The following LIPC variants were observed in gnomAD, a reference collection of about 807,000 sequenced individuals.
The protein encoded by LIPC is lipase C, hepatic type, also known as hepatic triacylglycerol lipase.
A neutral mutation model predicts 50.7 loss-of-function variants in LIPC; 44 were observed. The observed-to-expected ratio is 0.87, with a 90% CI of 0.68 to 1.11. The LOEUF (loss-of-function observed/expected upper bound fraction) is 1.11, where lower values mean the gene tolerates loss of function less well. Among genes scored for constraint, LIPC ranks in the 50% most tolerant of loss-of-function variants. LIPC has a pLI of 0.00. For synonymous variants in LIPC, 271 were observed against 256.4 expected (o/e 1.06, Z -0.54); for missense variants, 697 against 648.2 (o/e 1.08, Z -0.82).
chr15:58,488,055 G>A (rs1595890085), intron 1 of LIPC, among the ~76,000 whole-genome samples: 1 of 152,190 alleles, frequency 6.6e-6, no homozygotes, highest in Non-Finnish European at 1.5e-5. Flanking sequence ...TGGATCCCTC[G>A]AGGTCAGGAG....
intron 4 of LIPC, 76 bp downstream of exon 4, chr15:58,542,727 G>A: frequency 1.0e-6 from 1 of 960,554 alleles, no homozygotes; most frequent in Non-Finnish European, 1.7e-6. Context: ...TTTCCAACAG[G>A]CTCATCATTA....
intron 1 of LIPC, among the ~76,000 whole-genome samples, chr15:58,486,408 C>A (rs1271758190): frequency 6.6e-6 from 1 of 152,190 alleles, no homozygotes; most frequent in East Asian, 1.9e-4. Flanking sequence ...TGTGGATTGC[C>A]CCTGCTTATG....
At position 58,452,443 on chromosome 15, in the gene LIPC, G is replaced by A. The variant is rs370093284; in HGVS notation, c.88+20323G>A. ...AGTCTGAATTTAGAAGAGTGTGAAC[G>A]TGAAACAGTTTTCTATTTCTCCCAT... On this transcript the variant is annotated intron_variant, in intron 1 of 8. Transcript: ENST00000299022. Among the ~76,000 whole-genome samples the A allele has an allele frequency of 5.3e-5, 8 of 152,170 alleles. No homozygotes were observed. The South Asian group carries it at 6.2e-4, about 12-fold the overall frequency.
intron 1 of LIPC, among the ~76,000 whole-genome samples, chr15:58,524,954 T>C (rs1181753961): frequency 1.3e-5 from 2 of 152,236 alleles, no homozygotes; most frequent in African/African-American, 4.8e-5. Context: ...AACAATCTTT[T>C]ACAGCTTCTG....
intron 1 of LIPC, among the ~76,000 whole-genome samples, chr15:58,508,254 G>T (rs780176572): frequency 1.3e-5 from 2 of 152,112 alleles, no homozygotes; most frequent in Non-Finnish European, 2.9e-5. Context: ...GGGGTAGGGA[G>T]TGAAGATCAG....
intron 5 of LIPC, among the ~76,000 whole-genome samples, chr15:58,547,799 C>A (rs1329250724): frequency 6.6e-6 from 1 of 151,906 alleles, no homozygotes; most frequent in African/African-American, 2.4e-5. Flanking sequence ...CTTTGGGACA[C>A]AAGGTAGACA....
intron 1 of LIPC, among the ~76,000 whole-genome samples, chr15:58,450,011 T>C (rs1322076289): frequency 6.6e-6 from 1 of 152,042 alleles, no homozygotes; most frequent in Non-Finnish European, 1.5e-5. Context: ...CTGTCCAGAG[T>C]CATCAGTATG....
At chr15:58,567,277 GTGTGTA>G (rs1341081690) in intron 8 of LIPC, among the ~76,000 whole-genome samples, 22 of 82,318 alleles carry the variant, frequency 2.7e-4, no homozygotes, top group African/African-American at 5.6e-4. Flanking sequence ...GTGTGTGTGT[GTGTGTA>G]TATATATATA....
intron 2 of LIPC, 51 bp from the exon 3 acceptor site, chr15:58,541,734 T>G (rs760281437): frequency 1.3e-6 from 2 of 1,560,558 alleles, no homozygotes; most frequent in Admixed American, 3.5e-5. Flanking sequence ...GGAAGAAGGG[T>G]GAGCGGGGAG....
chr15:58,568,360 T>C (rs1180839166), intron 8 of LIPC, among the ~76,000 whole-genome samples: 1 of 152,186 alleles, frequency 6.6e-6, no homozygotes, highest in African/African-American at 2.4e-5. Context: ...GTTGAGGAAC[T>C]AGAAATGTTT....
chr15:58,432,287 T>C, intron 1 of LIPC, 167 bp downstream of exon 1: 1 of 652,008 alleles, frequency 1.5e-6, no homozygotes, highest in African/African-American at 1.8e-5. Flanking sequence ...TAGCCGTTTG[T>C]AAACAGAAAT....
chr15:58,489,868 A>C (rs2043386572), intron 1 of LIPC, among the ~76,000 whole-genome samples: 1 of 152,106 alleles, frequency 6.6e-6, no homozygotes, highest in African/African-American at 2.4e-5. Context: ...ATTCCTCCCA[A>C]AGTTAGCTTG....
chr15:58,526,722 T>C (rs1892810961), intron 1 of LIPC, among the ~76,000 whole-genome samples: 1 of 152,100 alleles, frequency 6.6e-6, no homozygotes, highest in South Asian at 2.1e-4. Context: ...GGTTGAGACA[T>C]GAGAAGGAAG....
chr15:58,528,040 C>G (rs1244423316), intron 1 of LIPC, among the ~76,000 whole-genome samples: 1 of 151,166 alleles, frequency 6.6e-6, no homozygotes, highest in Admixed American at 6.6e-5. Flanking sequence ...CTCGGGAGGC[C>G]GAGGCAGGAG....
intron 1 of LIPC, among the ~76,000 whole-genome samples, chr15:58,438,247 G>C (rs1270348792): frequency 2.6e-5 from 4 of 152,152 alleles, no homozygotes; most frequent in African/African-American, 7.2e-5. Context: ...GCAGAAAGAG[G>C]CTGGGCCCCG....
intron 1 of LIPC, among the ~76,000 whole-genome samples, chr15:58,486,694 G>A (rs8029592): frequency 0.11 from 17,036 of 152,238 alleles, 1,177 homozygotes; most frequent in Non-Finnish European, 0.16. Flanking sequence ...TGCAGCACAT[G>A]AGCAAGACAC....
At chr15:58,563,844 G>C in intron 8 of LIPC, 121 bp downstream of exon 8, 3 of 845,838 alleles carry the variant, frequency 3.5e-6, no homozygotes, top group Non-Finnish European at 5.8e-6. Flanking sequence ...TAGTGATGGA[G>C]TACAGAAGCT....
At chr15:58,472,269 TC>T (rs1276243348) in intron 1 of LIPC, among the ~76,000 whole-genome samples, 438 of 32,740 alleles carry the variant, frequency 0.013, 1 homozygote, top group Admixed American at 0.06. Flanking sequence ...ACATTTGGTC[TC>T]AAAAAAAAAA....
At chr15:58,439,024 A>AT (rs1429697229) in intron 1 of LIPC, among the ~76,000 whole-genome samples, 1 of 152,216 alleles carries the variant, frequency 6.6e-6, no homozygotes, top group Non-Finnish European at 1.5e-5. Context: ...GCAGGTTCAT[A>AT]TTCAGGGCCT....
Sources: gnomAD v4.1 joint callset for allele counts (sites outside exome capture counted in the v4.1 genomes callset) on GRCh38, gnomAD v4.1.1 for gene constraint, MANE v1.5 for transcripts, NCBI Gene and HGNC (gene_info 2026-07-23, HGNC 2026-07-21) for gene names.